BICRAL: variants seen among roughly 807,000 people sequenced by gnomAD.
BICRAL encodes the protein BRD4-interacting chromatin-remodeling complex-associated protein-like.
In BICRAL, 8 loss-of-function variants were observed where a neutral mutation model predicts 91.8. That is an observed-to-expected ratio of 0.09 (90% CI 0.05 to 0.16). BICRAL has a LOEUF of 0.16. BICRAL is among the 10% of genes least tolerant of loss of function. The pLI, the probability that BICRAL is intolerant of heterozygous loss-of-function variation, is 1.00. For synonymous variants in BICRAL, 445 were observed against 491.1 expected, an observed-to-expected ratio of 0.91 and a Z score of 1.24; for missense variants, 1,038 against 1,310.9, an observed-to-expected ratio of 0.79 and a Z score of 3.21.
chr6:42,790,523 ACC>A (rs70990137), intron 1 of BICRAL, among the ~76,000 whole-genome samples: 1,733 of 137,384 alleles, frequency 0.013, 19 homozygotes, highest in African/African-American at 0.027. Flanking sequence ...AGTATGTAGC[ACC>A]CCCCCCCCAC....
chr6:42,801,097 A>G (rs1763554697), intron 1 of BICRAL, among the ~76,000 whole-genome samples: 1 of 151,946 alleles, frequency 6.6e-6, no homozygotes, highest in South Asian at 2.1e-4. Flanking sequence ...TACTAAAAAT[A>G]CAAAATTAGC....
At chr6:42,775,500 C>T (rs1224671599) in intron 1 of BICRAL, among the ~76,000 whole-genome samples, 1 of 152,182 alleles carries the variant, frequency 6.6e-6, no homozygotes, top group Non-Finnish European at 1.5e-5. Context: ...TGATAGAATA[C>T]CAGGGGGACC....
intron 6 of BICRAL, among the ~76,000 whole-genome samples, chr6:42,837,173 C>G (rs1764666575): frequency 6.6e-6 from 1 of 150,752 alleles, no homozygotes; most frequent in Admixed American, 6.6e-5. Context: ...TCTCGAACTC[C>G]TGACCTCAGG....
At chr6:42,752,601 C>T (rs926818514) in intron 1 of BICRAL, among the ~76,000 whole-genome samples, 4 of 151,746 alleles carry the variant, frequency 2.6e-5, no homozygotes, top group Non-Finnish European at 5.9e-5. Flanking sequence ...TGCATGCCAC[C>T]GTGCCCAGCT....
At chr6:42,749,523 A>G (rs1762341936) in intron 1 of BICRAL, among the ~76,000 whole-genome samples, 2 of 152,184 alleles carry the variant, frequency 1.3e-5, no homozygotes, top group South Asian at 4.1e-4. Context: ...CAAAATAGCT[A>G]GAAGAAAGGA....
rs1765674162 is a variant in BICRAL at position 42,865,086 on chromosome 6, A to G, written c.2880A>G (p.Ala960=). 1 of 1,614,204 alleles carries G rather than the reference A, an allele frequency of 6.2e-7. No individual in the cohort carries two copies. Among genetic ancestry groups the G allele is most frequent in the Non-Finnish European group, 8.5e-7 (1 of 1,180,016 alleles). Residue 960 remains alanine (A), a synonymous_variant, in exon 13 of 13, where the codon GCA becomes GCG. Transcript: ENST00000314073. ...AGAGCAAACTGTCAAGCATCCTAGC[A>G]GATTCGCACTTGGAGATGACGTGTA... ...GTESKLSSIL[A]DSHLEMTCNN...
intron 1 of BICRAL, among the ~76,000 whole-genome samples, chr6:42,768,194 G>A (rs1477873846): frequency 3.9e-5 from 6 of 152,112 alleles, no homozygotes; most frequent in Non-Finnish European, 7.4e-5. Context: ...ATTTGTCTTC[G>A]AAAGCCAATC....
Position 42,841,109 on chromosome 6 carries a change from G to T in BICRAL, c.1839+10937G>T, listed in dbSNP as rs188389919. Among the ~76,000 whole-genome samples, 343 of 114,392 alleles carry T rather than the reference G, an allele frequency of 3.0e-3. 2 individuals carry two copies. The highest frequency in any genetic ancestry group is 0.013 in the African/African-American group (319 of 23,662). The allele number at this position is 114,392 out of a possible 152,430, so 75.0% of individuals were successfully genotyped here. The stretch of plus-strand genomic sequence containing the variant: ...AAAAAAAAAAAAAAAAATTGAAAGC[G>T]GCTGAGCCCATATCACCTATATAGT... On this transcript the variant is annotated intron_variant, in intron 6 of 12. Coordinates refer to ENST00000314073, the MANE Select transcript of BICRAL (RefSeq NM_001393499.1).
intron 1 of BICRAL, among the ~76,000 whole-genome samples, chr6:42,759,364 G>A (rs1762508912): frequency 6.6e-6 from 1 of 152,210 alleles, no homozygotes; most frequent in Non-Finnish European, 1.5e-5. Context: ...GATCAGTCTG[G>A]ATGCTCTGTG....
intron 5 of BICRAL, among the ~76,000 whole-genome samples, chr6:42,823,332 G>A (rs766574011): frequency 2.6e-5 from 4 of 152,068 alleles, no homozygotes; most frequent in African/African-American, 9.7e-5. Context: ...ATGTTAGCCC[G>A]GCTGGTCTTG....
At chr6:42,806,761 C>T (rs2113908706) in intron 1 of BICRAL, among the ~76,000 whole-genome samples, 1 of 152,052 alleles carries the variant, frequency 6.6e-6, no homozygotes, top group East Asian at 1.9e-4. Context: ...GCGATCTGCT[C>T]ACCTTGACCT....
intron 2 of BICRAL, among the ~76,000 whole-genome samples, chr6:42,817,882 G>A (rs1339553264): frequency 2.7e-5 from 4 of 150,146 alleles, no homozygotes. Flanking sequence ...GCACATACCT[G>A]TAGGCCCAGC....
In BICRAL at chr6:42,865,256, T is replaced by A; in HGVS notation, c.3050T>A (p.Leu1017His). 6.2e-7 allele frequency: 1 copy of A among 1,614,056 alleles called. No individual in the cohort carries two copies. Among genetic ancestry groups the A allele is most frequent in the South Asian group, 1.1e-5 (1 of 91,076 alleles). The change falls in exon 13 of 13, where the codon CTC becomes CAC. Residue 1017 changes from leucine to histidine, a missense_variant. Physicochemically the swap from Leu to His is moderately conservative, Grantham distance 99 (BLOSUM62 -3). Transcript: ENST00000314073. ...ACCACATTTAAGAACATCTTGGAAC[T>A]CAAAAAGGCGGGACGGCAGCCCCAG... ...LETTFKNILE[L>H]KKAGRQPQSD...
chr6:42,868,020 G>A lies in BICRAL; in HGVS notation c.*2574G>A, dbSNP rs761000345. 4.0e-5 allele frequency: 6 copies of A among 151,794 alleles called. 1 individual carries two copies. Among genetic ancestry groups the A allele is most frequent in the South Asian group, 4.2e-4 (2 of 4,804 alleles). 9.4% of individuals were successfully genotyped at this position (151,794 alleles called of 1,614,324 possible). On this transcript the variant is annotated 3_prime_UTR_variant, in exon 13 of 13. Coordinates refer to ENST00000314073, the MANE Select transcript of BICRAL (RefSeq NM_001393499.1). Reference sequence around the variant, plus strand: ...AACATTCAGTTGTTCAGGTTCATTCGTCAAAGTTAAGTTTTAGAACTATTT... The same window carrying A: ...AACATTCAGTTGTTCAGGTTCATTCATCAAAGTTAAGTTTTAGAACTATTT...
chr6:42,845,645 G>C (rs1022566938), intron 6 of BICRAL, among the ~76,000 whole-genome samples: 5 of 151,902 alleles, frequency 3.3e-5, no homozygotes, highest in Non-Finnish European at 7.4e-5. Context: ...TGTTCTCCTG[G>C]ACTAAAATGA....
intron 1 of BICRAL, among the ~76,000 whole-genome samples, chr6:42,782,343 TG>T (rs747628152): frequency 1.5e-3 from 26 of 17,044 alleles, no homozygotes; most frequent in East Asian, 8.6e-3. Context: ...TTTTTTTTTT[TG>T]GGGGGGGGTG....
rs1381326049 is a variant in BICRAL at position 42,865,172 on chromosome 6, A to G, written c.2966A>G (p.Asp989Gly). Residue 989 changes from aspartate to glycine, a missense_variant, in exon 13 of 13, where the codon GAC becomes GGC. Asp to Gly is a moderately conservative substitution (Grantham distance 94). Transcript: ENST00000314073. The part of the protein sequence containing the change: ...NSPKNEVLHT[D>G]IMKGSGEPQP... The stretch of plus-strand genomic sequence containing the variant: ...CCAAAGAATGAAGTTTTACACACAG[A>G]CATCATGAAAGGGTCAGGCGAACCC... 3 of 1,614,178 alleles carry G rather than the reference A, an allele frequency of 1.9e-6. No homozygotes were observed. In the Admixed American group the frequency reaches 5.0e-5, roughly 27 times the overall value.
At chr6:42,833,349 A>G (rs923136487) in intron 6 of BICRAL, among the ~76,000 whole-genome samples, 2 of 152,126 alleles carry the variant, frequency 1.3e-5, no homozygotes, top group Non-Finnish European at 2.9e-5. Flanking sequence ...CGCCCGGCCC[A>G]GGCTAGACTC....
At chr6:42,755,076 A>T (rs1762439991) in intron 1 of BICRAL, among the ~76,000 whole-genome samples, 1 of 152,218 alleles carries the variant, frequency 6.6e-6, no homozygotes, top group Non-Finnish European at 1.5e-5. Context: ...GTGAGGTCTC[A>T]TGCTGAGTAT....
Sources: allele counts gnomAD v4.1 joint callset (sites outside exome capture counted in the v4.1 genomes callset), GRCh38; gene constraint gnomAD v4.1.1; transcripts MANE v1.5; gene names NCBI Gene and HGNC (gene_info 2026-07-23, HGNC 2026-07-21).